The following CHD6 variants were observed in gnomAD, a reference collection of about 807,000 sequenced individuals.
The protein encoded by CHD6 is chromodomain helicase DNA binding protein 6.
Under a neutral mutation model 276.9 loss-of-function variants are expected in CHD6, and 50 were observed. The observed-to-expected ratio is 0.18, with a 90% CI of 0.14 to 0.23. The LOEUF (loss-of-function observed/expected upper bound fraction) is 0.23, where lower values mean the gene tolerates loss of function less well. Ranked by LOEUF, CHD6 falls within the 10% of genes least tolerant of loss-of-function variation. CHD6 has a pLI of 1.00. For synonymous variants in CHD6, 1,173 were observed against 1,229.3 expected (o/e 0.95, Z 0.96); for missense variants, 2,564 against 3,365.8 (o/e 0.76, Z 5.89).
At chr20:41,463,978 G>A (rs924436471) in intron 17 of CHD6, among the ~76,000 whole-genome samples, 48 of 152,298 alleles carry the variant, frequency 3.2e-4, no homozygotes, top group African/African-American at 1.1e-3. Context: ...AAAAAGTGAT[G>A]TGTGTCTATG....
chr20:41,470,730 C>G (rs6029698), intron 17 of CHD6, among the ~76,000 whole-genome samples: 1 of 152,184 alleles, frequency 6.6e-6, no homozygotes, highest in Non-Finnish European at 1.5e-5. Flanking sequence ...TCAGTCACCT[C>G]AGATGACTTT....
At chr20:41,451,351 G>A (rs2048234055) in intron 22 of CHD6, among the ~76,000 whole-genome samples, 1 of 152,208 alleles carries the variant, frequency 6.6e-6, no homozygotes, top group South Asian at 2.1e-4. Context: ...TACCCTGTGA[G>A]GATTAAGAAA....
At chr20:41,604,128 T>C (rs778393015) in intron 1 of CHD6, among the ~76,000 whole-genome samples, 85 of 152,258 alleles carry the variant, frequency 5.6e-4, no homozygotes, top group Middle Eastern at 3.4e-3. Context: ...CATCCCATGC[T>C]TAACAATCCA....
At chr20:41,556,068 A>G (rs1443465258) in intron 1 of CHD6, among the ~76,000 whole-genome samples, 2 of 152,114 alleles carry the variant, frequency 1.3e-5, no homozygotes, top group East Asian at 3.9e-4. Flanking sequence ...CGGCCAACAC[A>G]GCGAAACCCC....
chr20:41,418,826 C>G (rs149560063), intron 31 of CHD6, among the ~76,000 whole-genome samples: 40 of 152,256 alleles, frequency 2.6e-4, no homozygotes, highest in African/African-American at 9.6e-4. Flanking sequence ...GAAAGGGACT[C>G]CCACCCACGC....
intron 17 of CHD6, among the ~76,000 whole-genome samples, chr20:41,458,523 T>C (rs759988101): frequency 1.3e-5 from 2 of 152,188 alleles, no homozygotes; most frequent in Non-Finnish European, 2.9e-5. Flanking sequence ...TCTGCAGTAT[T>C]TGAATGGACT....
chr20:41,610,218 C>T (rs144282426), intron 1 of CHD6, among the ~76,000 whole-genome samples: 10 of 152,156 alleles, frequency 6.6e-5, no homozygotes, highest in African/African-American at 2.4e-4. Context: ...TTCAATTTTG[C>T]AATAGATTTT....
intron 5 of CHD6, among the ~76,000 whole-genome samples, chr20:41,500,487 T>C (rs2043804774): frequency 1.3e-5 from 2 of 152,302 alleles, no homozygotes; most frequent in East Asian, 1.9e-4. Flanking sequence ...ACACATGGCA[T>C]TGTGCTAGAT....
At chr20:41,484,269 C>T in intron 15 of CHD6, 83 bp downstream of exon 15, 4 of 1,486,440 alleles carry the variant, frequency 2.7e-6, no homozygotes, top group South Asian at 1.2e-5. Flanking sequence ...AATGAAAATT[C>T]AATACATGAG....
chr20:41,472,163 C>T (rs1430754097), intron 17 of CHD6, among the ~76,000 whole-genome samples: 1 of 151,850 alleles, frequency 6.6e-6, no homozygotes, highest in East Asian at 1.9e-4. Flanking sequence ...ATCGCTTGAA[C>T]CTGGCAGGCA....
intron 19 of CHD6, among the ~76,000 whole-genome samples, chr20:41,455,179 T>A (rs948199596): frequency 3.3e-5 from 5 of 152,190 alleles, no homozygotes; most frequent in African/African-American, 1.2e-4. Context: ...ATCCTCCTTA[T>A]AAAACACTGA....
intron 1 of CHD6, among the ~76,000 whole-genome samples, chr20:41,592,215 A>G (rs1163658530): frequency 2.0e-5 from 3 of 152,228 alleles, no homozygotes; most frequent in African/African-American, 7.2e-5. Flanking sequence ...AAAACAAAAC[A>G]AAACAAAAAA....
intron 20 of CHD6, 104 bp downstream of exon 20, chr20:41,454,522 G>T: frequency 1.2e-6 from 1 of 840,582 alleles, no homozygotes. Flanking sequence ...TACCATTTAA[G>T]AACCAAGACT....
chr20:41,432,843 G>A (rs1042249709), intron 27 of CHD6, among the ~76,000 whole-genome samples: 2 of 152,094 alleles, frequency 1.3e-5, no homozygotes, highest in Admixed American at 1.3e-4. Flanking sequence ...CCACTGTTCA[G>A]AATGAAACAG....
intron 1 of CHD6, among the ~76,000 whole-genome samples, chr20:41,593,818 A>G (rs2045689328): frequency 6.6e-6 from 1 of 152,200 alleles, no homozygotes; most frequent in African/African-American, 2.4e-5. Flanking sequence ...GGATATGGCA[A>G]GAGGCAGCTA....
intron 36 of CHD6, among the ~76,000 whole-genome samples, chr20:41,407,241 T>A (rs1187728560): frequency 7.0e-6 from 1 of 142,180 alleles, no homozygotes; most frequent in Non-Finnish European, 1.6e-5. Flanking sequence ...GAGTGGGGGG[T>A]GGGGATGTGA....
At position 41,454,645 on chromosome 20, in the gene CHD6, G is replaced by T; in HGVS notation, c.3101C>A (p.Thr1034Asn). The part of the protein sequence containing the change: ...QKWAKIAELD[T>N]EAKNEKESLV... ...CTGTACCTTTTCATTCTTTGCTTCA[G>T]TGTCTAGTTCAGCTATTTTAGCCCA... The change falls in exon 20 of 37, where the codon ACT becomes AAT. Residue 1034 changes from threonine to asparagine, a missense_variant. This residue lies in a region of CHD6 where 515 missense variants were observed against 739.5 expected (regional missense o/e 0.70). Transcript: ENST00000373233. The T allele has an allele frequency of 6.2e-7, 1 of 1,612,508 alleles. No homozygotes were observed. The highest frequency in any genetic ancestry group is 8.5e-7 in the Non-Finnish European group (1 of 1,179,000).
chr20:41,497,150 C>A (rs1235648090), intron 8 of CHD6: 1 of 479,798 alleles, frequency 2.1e-6, no homozygotes, highest in South Asian at 2.2e-5. Context: ...AGTATTCAGA[C>A]CAAGATGCAC....
intron 16 of CHD6, among the ~76,000 whole-genome samples, chr20:41,477,357 C>T (rs971142017): frequency 1.9e-4 from 29 of 152,044 alleles, no homozygotes; most frequent in African/African-American, 6.3e-4. Flanking sequence ...ATCCAGTATA[C>T]ATAATATCTC....
Sources: gnomAD v4.1 joint callset for allele counts (sites outside exome capture counted in the v4.1 genomes callset) on GRCh38, gnomAD v4.1.1 for gene constraint, gnomAD v4.1.1 regional missense constraint, MANE v1.5 for transcripts, NCBI Gene and HGNC (gene_info 2026-07-23, HGNC 2026-07-21) for gene names.